The following CCDC7 variants were observed in gnomAD, a reference collection of about 807,000 sequenced individuals.
The protein encoded by CCDC7 is coiled-coil domain containing 7, also known as coiled-coil domain-containing protein 7.
Under a neutral mutation model 196.9 loss-of-function variants are expected in CCDC7, and 183 were observed. That is an observed-to-expected ratio of 0.93 (90% confidence interval 0.82 to 1.05). The LOEUF is 1.05. Among genes scored for constraint, CCDC7 ranks in the 50% least tolerant of loss-of-function variants. The probability of loss-of-function intolerance (pLI) is 0.00; values close to 1 mark genes in which losing one functional copy is unlikely to be tolerated. For synonymous variants in CCDC7, 525 were observed against 484.6 expected, an observed-to-expected ratio of 1.08 and a Z score of -1.10; for missense variants, 1,540 against 1,482.2, an observed-to-expected ratio of 1.04 and a Z score of -0.64.
chr10:32,782,027 C>A (rs1184055377), intron 29 of CCDC7, among the ~76,000 whole-genome samples: 1 of 152,060 alleles, frequency 6.6e-6, no homozygotes. Flanking sequence ...AGTGAGCTAT[C>A]TGAAAAGAAT....
chr10:32,644,175 A>C (rs1277682815), intron 20 of CCDC7, among the ~76,000 whole-genome samples: 1 of 152,186 alleles, frequency 6.6e-6, no homozygotes, highest in Non-Finnish European at 1.5e-5. Context: ...ATATATCGCT[A>C]GAAGAACTGG....
At chr10:32,506,577 T>C (rs937655205) in intron 9 of CCDC7, among the ~76,000 whole-genome samples, 9 of 152,082 alleles carry the variant, frequency 5.9e-5, no homozygotes, top group Middle Eastern at 3.4e-3. Context: ...GAGCATTGAG[T>C]GAGTGAGACT....
Position 32,496,291 on chromosome 10 carries a change from C to T in CCDC7, c.872+4294C>T, listed in dbSNP as rs181787773. Among the ~76,000 whole-genome samples, 368 of 152,212 alleles carry T rather than the reference C, an allele frequency of 2.4e-3. 1 individual carries two copies. The highest frequency in any genetic ancestry group is 4.8e-3 in the African/African-American group (201 of 41,534). ...AGCTTAAGGAGATTTTGGGCTGAGA[C>T]GATGGGGTTTTCTAAATAAACAATC... On this transcript the variant is annotated intron_variant, in intron 9 of 41. Coordinates refer to ENST00000639629, the Ensembl canonical transcript of CCDC7.
At chr10:32,597,696 G>A (rs1451381347) in intron 18 of CCDC7, among the ~76,000 whole-genome samples, 1 of 152,152 alleles carries the variant, frequency 6.6e-6, no homozygotes, top group Non-Finnish European at 1.5e-5. Flanking sequence ...GCACAGATGG[G>A]GTTTGGTGTG....
chr10:32,831,806 G>C (rs529766444), intron 32 of CCDC7, among the ~76,000 whole-genome samples: 11 of 152,280 alleles, frequency 7.2e-5, no homozygotes, highest in African/African-American at 2.4e-4. Flanking sequence ...TGAGGGACCT[G>C]TCTGAGGCTG....
chr10:32,786,062 G>A (rs1241665723), intron 29 of CCDC7, among the ~76,000 whole-genome samples: 1 of 152,172 alleles, frequency 6.6e-6, no homozygotes, highest in African/African-American at 2.4e-5. Context: ...TGCAAATACT[G>A]TGAAAGGTGT....
chr10:32,625,747 G>A (rs1301438756), intron 18 of CCDC7, among the ~76,000 whole-genome samples: 1 of 151,998 alleles, frequency 6.6e-6, no homozygotes, highest in African/African-American at 2.4e-5. Flanking sequence ...CCTGCAGCCT[G>A]TGCAGCCCCC....
intron 41 of CCDC7, among the ~76,000 whole-genome samples, chr10:32,875,047 G>C (rs1295907464): frequency 6.6e-6 from 1 of 151,886 alleles, no homozygotes; most frequent in African/African-American, 2.4e-5. Context: ...TAATGAATTG[G>C]ATGTCATTTT....
At chr10:32,875,409 G>A (rs1288443225) in intron 41 of CCDC7, among the ~76,000 whole-genome samples, 2 of 151,982 alleles carry the variant, frequency 1.3e-5, no homozygotes, top group African/African-American at 2.4e-5. Flanking sequence ...CCTATTGCTT[G>A]TTTTTGTCAG....
chr10:32,521,645 A>T (rs1196451146), intron 11 of CCDC7, among the ~76,000 whole-genome samples: 1 of 151,870 alleles, frequency 6.6e-6, no homozygotes, highest in East Asian at 1.9e-4. Context: ...CCATCTGCAA[A>T]CAAGGATAAT....
At chr10:32,584,624 T>G (rs1277891513) in intron 18 of CCDC7, among the ~76,000 whole-genome samples, 1 of 151,186 alleles carries the variant, frequency 6.6e-6, no homozygotes, top group Non-Finnish European at 1.5e-5. Flanking sequence ...GGTGTGGTGG[T>G]GCATGCTTGT....
intron 20 of CCDC7, among the ~76,000 whole-genome samples, chr10:32,644,461 C>T (rs1367600146): frequency 6.6e-6 from 1 of 152,090 alleles, no homozygotes; most frequent in Non-Finnish European, 1.5e-5. Flanking sequence ...GTCTTTCTTG[C>T]CTGGCTTGTT....
chr10:32,709,114 A>C (rs1178564766), intron 24 of CCDC7, among the ~76,000 whole-genome samples: 1 of 152,144 alleles, frequency 6.6e-6, no homozygotes, highest in African/African-American at 2.4e-5. Flanking sequence ...AATGTGGCAC[A>C]TATACACCAT....
chr10:32,732,889 C>A (rs985364682), intron 28 of CCDC7, among the ~76,000 whole-genome samples: 2 of 151,958 alleles, frequency 1.3e-5, no homozygotes, highest in Non-Finnish European at 2.9e-5. Flanking sequence ...TACTTTCAAC[C>A]TTTTTGTATT....
At chr10:32,668,404 A>G (rs552401986) in intron 21 of CCDC7, among the ~76,000 whole-genome samples, 1 of 152,124 alleles carries the variant, frequency 6.6e-6, no homozygotes, top group Non-Finnish European at 1.5e-5. Context: ...TTCCAACACT[A>G]TGTTGGATAG....
chr10:32,492,582 C>A (rs1047941613), intron 9 of CCDC7, among the ~76,000 whole-genome samples: 1 of 151,830 alleles, frequency 6.6e-6, no homozygotes, highest in Non-Finnish European at 1.5e-5. Context: ...AATAAGCCAG[C>A]CACAAAAAAG....
intron 28 of CCDC7, among the ~76,000 whole-genome samples, chr10:32,734,599 AAAAT>A (rs1490544933): frequency 2.6e-5 from 4 of 152,218 alleles, no homozygotes; most frequent in South Asian, 2.1e-4. Flanking sequence ...ATGAAAGTTA[AAAAT>A]AAATAAATAG....
At chr10:32,552,427 G>A (rs899659647) in intron 13 of CCDC7, among the ~76,000 whole-genome samples, 9 of 152,198 alleles carry the variant, frequency 5.9e-5, no homozygotes, top group African/African-American at 1.7e-4. Flanking sequence ...TGCATTCATC[G>A]TGCTCTTTGT....
chr10:32,706,195 TG>T (rs1347743569), intron 24 of CCDC7, among the ~76,000 whole-genome samples: 7 of 152,124 alleles, frequency 4.6e-5, no homozygotes, highest in Non-Finnish European at 7.4e-5. Context: ...ATAGGGAAAC[TG>T]AACAACCTGC....
Sources: gnomAD v4.1 joint callset for allele counts (sites outside exome capture counted in the v4.1 genomes callset) on GRCh38, gnomAD v4.1.1 for gene constraint, MANE v1.5 for transcripts, NCBI Gene and HGNC (gene_info 2026-07-23, HGNC 2026-07-21) for gene names.